APP: variants seen among roughly 807,000 people sequenced by gnomAD.
APP encodes the protein amyloid beta precursor protein.
In APP, 31 loss-of-function variants were observed where a neutral mutation model predicts 101.4. The ratio of observed to expected loss-of-function variants is 0.31; its 90% CI spans 0.23 to 0.41. The LOEUF is 0.41. APP is among the 10% of genes least tolerant of loss of function. The pLI is 1.00. For synonymous variants in APP, 366 were observed against 364.4 expected, an observed-to-expected ratio of 1.00 and a Z score of -0.05; for missense variants, 839 against 1,003.7, an observed-to-expected ratio of 0.84 and a Z score of 2.22.
chr21:25,928,099 T>C (rs560069487), intron 13 of APP, among the ~76,000 whole-genome samples: 65 of 152,102 alleles, frequency 4.3e-4, no homozygotes, highest in African/African-American at 1.5e-3. Flanking sequence ...AATCCCAGCA[T>C]TTTGGGAGGC....
At chr21:25,900,935 C>T (rs1304316339) in intron 15 of APP, among the ~76,000 whole-genome samples, 3 of 550 alleles carry the variant, frequency 5.5e-3, no homozygotes, top group South Asian at 0.031. Context: ...TGCAGTGAGC[C>T]GAGATTCGTG....
chr21:26,086,887 C>A (rs1032054952), intron 3 of APP, among the ~76,000 whole-genome samples: 1 of 152,184 alleles, frequency 6.6e-6, no homozygotes, highest in African/African-American at 2.4e-5. Context: ...AGAGCTTGGA[C>A]TGTAGTGCTG....
chr21:25,975,890 G>A, intron 10 of APP, 64 bp downstream of exon 10: 1 of 1,318,132 alleles, frequency 7.6e-7, no homozygotes, highest in African/African-American at 1.5e-5. Context: ...AGGTAAACCT[G>A]CAGACACTCA....
At chr21:26,024,905 G>A (rs2044502683) in intron 5 of APP, among the ~76,000 whole-genome samples, 1 of 152,166 alleles carries the variant, frequency 6.6e-6, no homozygotes, top group Admixed American at 6.6e-5. Context: ...AAAAGAAACT[G>A]ATTAAGCAGA....
chr21:26,134,004 A>T (rs901930773), intron 1 of APP, among the ~76,000 whole-genome samples: 2 of 152,182 alleles, frequency 1.3e-5, no homozygotes, highest in African/African-American at 4.8e-5. Context: ...GACTTCGCTT[A>T]TGTTGAAATT....
At chr21:25,939,463 G>A (rs1243349627) in intron 13 of APP, among the ~76,000 whole-genome samples, 1 of 152,166 alleles carries the variant, frequency 6.6e-6, no homozygotes, top group African/African-American at 2.4e-5. Context: ...CTTCACACTT[G>A]AAGTTTAAGA....
intron 2 of APP, among the ~76,000 whole-genome samples, chr21:26,095,786 CA>C (rs2061927670): frequency 1.3e-5 from 2 of 152,046 alleles, no homozygotes; most frequent in African/African-American, 4.8e-5. Context: ...ATGTGTTTTC[CA>C]AAACATACAT....
chr21:25,968,020 T>C (rs991729812), intron 11 of APP, among the ~76,000 whole-genome samples: 1 of 152,218 alleles, frequency 6.6e-6, no homozygotes, highest in African/African-American at 2.4e-5. Flanking sequence ...GGTTGGTGTT[T>C]AGAAGAGTCA....
chr21:25,935,802 T>G (rs899704227), intron 13 of APP, among the ~76,000 whole-genome samples: 1 of 132,210 alleles, frequency 7.6e-6, no homozygotes, highest in Non-Finnish European at 1.5e-5. Context: ...ATCGTGCCAC[T>G]GCATTCCAGC....
At chr21:26,117,389 T>C (rs1187091285) in intron 1 of APP, among the ~76,000 whole-genome samples, 1 of 152,264 alleles carries the variant, frequency 6.6e-6, no homozygotes, top group African/African-American at 2.4e-5. Context: ...AGGGGAATAA[T>C]TCATCTGTAG....
intron 1 of APP, among the ~76,000 whole-genome samples, chr21:26,136,313 G>A (rs964006551): frequency 2.6e-5 from 4 of 151,900 alleles, no homozygotes; most frequent in Non-Finnish European, 5.9e-5. Flanking sequence ...GCACGCACAC[G>A]ATGGACAATA....
chr21:25,902,550 T>C (rs895483866), intron 15 of APP, among the ~76,000 whole-genome samples: 1 of 146,650 alleles, frequency 6.8e-6, no homozygotes, highest in Admixed American at 7.3e-5. Flanking sequence ...AACCCAAGCC[T>C]ACGCTGTGTA....
Position 25,881,437 on chromosome 21 carries a change from A to G in APP, c.*233T>C, listed in dbSNP as rs1224036194. 1 of 585,702 alleles carries G rather than the reference A, an allele frequency of 1.7e-6. No homozygotes were observed. Among genetic ancestry groups the G allele is most frequent in the Non-Finnish European group, 3.0e-6 (1 of 328,454 alleles). 36.3% of individuals were successfully genotyped at this position (585,702 alleles called of 1,614,324 possible). ...AAATTCTTTACAGTACACAAAACCC[A>G]TTAATAATGTAGTATAGAGACCAAA... On this transcript the variant is annotated 3_prime_UTR_variant, in exon 18 of 18. Transcript: ENST00000346798.
chr21:25,913,943 T>A (rs2039210759), intron 13 of APP, among the ~76,000 whole-genome samples: 1 of 152,160 alleles, frequency 6.6e-6, no homozygotes, highest in Non-Finnish European at 1.5e-5. Context: ...TTCCCCAGCT[T>A]TGACTTCTCC....
At chr21:25,892,316 G>C (rs574861595) in intron 16 of APP, among the ~76,000 whole-genome samples, 1 of 152,296 alleles carries the variant, frequency 6.6e-6, no homozygotes, top group South Asian at 2.1e-4. Context: ...ATAGCACTCT[G>C]AGCCCTGATG....
At chr21:26,011,257 G>A (rs1051812965) in intron 6 of APP, among the ~76,000 whole-genome samples, 35 of 151,852 alleles carry the variant, frequency 2.3e-4, no homozygotes, top group African/African-American at 8.5e-4. Context: ...TATATTTTTA[G>A]TAGAGACGGG....
intron 2 of APP, among the ~76,000 whole-genome samples, chr21:26,100,478 G>A (rs755558635): frequency 5.9e-5 from 9 of 152,206 alleles, no homozygotes; most frequent in Non-Finnish European, 1.3e-4. Context: ...TTCTACCATA[G>A]GATAATGTAT....
intron 1 of APP, 113 bp downstream of exon 1, chr21:26,170,451 G>A (rs2063721990): frequency 1.1e-5 from 12 of 1,130,248 alleles, no homozygotes; most frequent in Admixed American, 4.5e-5. Context: ...GAGGAGAGGG[G>A]TCCCATTGAC....
intron 11 of APP, among the ~76,000 whole-genome samples, chr21:25,956,695 T>G (rs1028722574): frequency 6.6e-6 from 1 of 152,168 alleles, no homozygotes. Flanking sequence ...AGTTGGAAGG[T>G]ACAAAATTTA....
Sources: allele counts gnomAD v4.1 joint callset (sites outside exome capture counted in the v4.1 genomes callset), GRCh38; gene constraint gnomAD v4.1.1; transcripts MANE v1.5; gene names NCBI Gene and HGNC (gene_info 2026-07-23, HGNC 2026-07-21).